The following JAZF1 variants were observed in gnomAD, a reference collection of about 807,000 sequenced individuals.
JAZF1 encodes juxtaposed with another zinc finger protein 1.
A neutral mutation model predicts 26.4 loss-of-function variants in JAZF1; 8 were observed. The ratio of observed to expected loss-of-function variants is 0.30; its 90% CI spans 0.18 to 0.55. The LOEUF (loss-of-function observed/expected upper bound fraction) is 0.55, where lower values mean the gene tolerates loss of function less well. JAZF1 is among the 20% of genes least tolerant of loss of function. The pLI, the probability that JAZF1 is intolerant of heterozygous loss-of-function variation, is 0.94. For missense variants in JAZF1, 199 were observed against 322.0 expected, an observed-to-expected ratio of 0.62 and a Z score of 2.92; for synonymous variants, 126 against 122.3, an observed-to-expected ratio of 1.03 and a Z score of -0.20.
chr7:27,931,807 T>G (rs1208916304), intron 2 of JAZF1, among the ~76,000 whole-genome samples: 1 of 151,688 alleles, frequency 6.6e-6, no homozygotes, highest in African/African-American at 2.4e-5. Context: ...CCTGGGAGAA[T>G]TGCTTGAACC....
chr7:27,832,910 A>G lies in JAZF1; in HGVS notation c.622T>C (p.Phe208Leu). 6.2e-7 allele frequency: 1 copy of G among 1,613,466 alleles called. No homozygotes were observed. The highest frequency in any genetic ancestry group is 8.5e-7 in the Non-Finnish European group (1 of 1,179,704). The change falls in exon 5 of 5, where the codon TTC becomes CTC. Residue 208 changes from phenylalanine (F) to leucine (L), a missense_variant. Phe to Leu is a conservative substitution (Grantham distance 22). Transcript: ENST00000283928. Reference protein sequence around the residue: ...HRTQIRVRKPFKCRCGKSYKT... With the variant: ...HRTQIRVRKPLKCRCGKSYKT... Reference sequence around the variant, plus strand: ...TAACTCTTCCCACAGCGACACTTGAATGGTTTGCGGACACGAATCTGTGTT... The same window carrying G: ...TAACTCTTCCCACAGCGACACTTGAGTGGTTTGCGGACACGAATCTGTGTT...
chr7:27,850,809 G>A (rs1266731122), intron 3 of JAZF1, among the ~76,000 whole-genome samples: 6 of 147,164 alleles, frequency 4.1e-5, no homozygotes, highest in Admixed American at 4.1e-4. Context: ...AGCTCTGAAG[G>A]ACCATTTTTT....
intron 2 of JAZF1, among the ~76,000 whole-genome samples, chr7:27,982,404 G>C (rs1199948434): frequency 1.3e-5 from 2 of 152,192 alleles, no homozygotes; most frequent in Non-Finnish European, 2.9e-5. Flanking sequence ...GGCTGGGGGA[G>C]GGGCGTCCGC....
At position 27,830,813 on chromosome 7, in the gene JAZF1, A is replaced by G. The variant is rs926962412; in HGVS notation, c.*1987T>C. 8.3e-5 allele frequency: 17 copies of G among 206,002 alleles called. No individual in the cohort carries two copies. The East Asian group carries it at 1.3e-3, about 15-fold the overall frequency. 12.8% of individuals were successfully genotyped at this position (206,002 alleles called of 1,614,324 possible). A position where few individuals can be genotyped will look rare whatever the true frequency, so the allele number is the denominator to read the frequency against. The stretch of plus-strand genomic sequence containing the variant: ...AGTATAACAAAATATTCCCATCCTT[A>G]CCTGTTTAGTAATACTGTCACAATG... On this transcript the variant is annotated 3_prime_UTR_variant, in exon 5 of 5. Transcript: ENST00000283928.
At chr7:28,168,355 T>TGGGTG (rs1783400867) in intron 1 of JAZF1, among the ~76,000 whole-genome samples, 1 of 127,428 alleles carries the variant, frequency 7.8e-6, no homozygotes, top group Non-Finnish European at 1.6e-5. Flanking sequence ...CACCCCAGCC[T>TGGGTG]GGGTGACAGA....
chr7:27,869,781 A>G (rs1004663550), intron 3 of JAZF1, among the ~76,000 whole-genome samples: 1 of 152,194 alleles, frequency 6.6e-6, no homozygotes, highest in East Asian at 1.9e-4. Context: ...CTTCCCTTCT[A>G]GGGTTAGGAA....
Position 27,832,110 on chromosome 7 carries a change from A to T in JAZF1, c.*690T>A. 1 of 213,268 alleles carries T rather than the reference A, an allele frequency of 4.7e-6. No homozygotes were observed. The highest frequency in any genetic ancestry group is 9.5e-6 in the Non-Finnish European group (1 of 105,118). The allele number at this position is 213,268 out of a possible 1,614,324, so 13.2% of individuals were successfully genotyped here. A position where few individuals can be genotyped will look rare whatever the true frequency, so the allele number is the denominator to read the frequency against. On this transcript the variant is annotated 3_prime_UTR_variant, in exon 5 of 5. Coordinates refer to ENST00000283928, the MANE Select transcript of JAZF1 (RefSeq NM_175061.4). ...GAACGAACTGAATAGACTATTTTGTACAAAATGCCATTTATAACACTAAAA... is the reference window on the plus strand; with the variant it reads ...GAACGAACTGAATAGACTATTTTGTTCAAAATGCCATTTATAACACTAAAA...
intron 1 of JAZF1, among the ~76,000 whole-genome samples, chr7:28,033,222 A>G (rs927552944): frequency 1.2e-4 from 18 of 152,214 alleles, no homozygotes; most frequent in Non-Finnish European, 1.9e-4. Flanking sequence ...GGGATGGAAC[A>G]TCGATTATGC....
At chr7:28,119,129 C>T (rs965858888) in intron 1 of JAZF1, among the ~76,000 whole-genome samples, 1 of 152,088 alleles carries the variant, frequency 6.6e-6, no homozygotes, top group Non-Finnish European at 1.5e-5. Flanking sequence ...CCAGGCAGCC[C>T]CCGGTCTCCC....
intron 1 of JAZF1, among the ~76,000 whole-genome samples, chr7:28,113,444 A>T (rs543168835): frequency 3.5e-4 from 54 of 152,194 alleles, no homozygotes; most frequent in African/African-American, 1.3e-3. Flanking sequence ...CACTCACCAC[A>T]GTCTGCCCAC....
chr7:28,157,861 T>C (rs551860003), intron 1 of JAZF1, among the ~76,000 whole-genome samples: 1 of 152,164 alleles, frequency 6.6e-6, no homozygotes, highest in Admixed American at 6.5e-5. Context: ...GAACAAAAAA[T>C]TAAGGAATGG....
intron 1 of JAZF1, among the ~76,000 whole-genome samples, chr7:28,073,489 T>C (rs541065756): frequency 6.6e-6 from 1 of 152,336 alleles, no homozygotes; most frequent in Non-Finnish European, 1.5e-5. Flanking sequence ...CTTTGCATTT[T>C]GCTTTATTTT....
At chr7:27,919,786 T>G (rs1013157457) in intron 2 of JAZF1, among the ~76,000 whole-genome samples, 1 of 152,168 alleles carries the variant, frequency 6.6e-6, no homozygotes, top group Non-Finnish European at 1.5e-5. Context: ...TATTAAATAA[T>G]TAATACGTAA....
chr7:28,116,887 G>A (rs10263294), intron 1 of JAZF1, among the ~76,000 whole-genome samples: 6,417 of 151,806 alleles, frequency 0.042, 390 homozygotes, highest in African/African-American at 0.14. Flanking sequence ...GCAGTGGCGC[G>A]ATCTCAGCTC....
chr7:28,064,086 A>C (rs1783841359), intron 1 of JAZF1, among the ~76,000 whole-genome samples: 1 of 152,160 alleles, frequency 6.6e-6, no homozygotes, highest in African/African-American at 2.4e-5. Context: ...AGAGTTAAAA[A>C]AAATTGGACA....
intron 1 of JAZF1, among the ~76,000 whole-genome samples, chr7:28,024,308 AAG>A (rs138276120): frequency 4.6e-5 from 7 of 151,544 alleles, no homozygotes; most frequent in Admixed American, 3.3e-4. Flanking sequence ...AAGAAAAACA[AAG>A]AGAGAGAGAG....
At chr7:27,859,560 TC>T (rs1783338301) in intron 3 of JAZF1, among the ~76,000 whole-genome samples, 1 of 152,218 alleles carries the variant, frequency 6.6e-6, no homozygotes, top group African/African-American at 2.4e-5. Context: ...TGAGGTCATG[TC>T]CTTTGCAGGG....
intron 2 of JAZF1, among the ~76,000 whole-genome samples, chr7:27,950,676 A>C (rs894368244): frequency 3.3e-5 from 5 of 152,202 alleles, no homozygotes; most frequent in African/African-American, 1.2e-4. Flanking sequence ...GGTTAACAAA[A>C]CTTCAATTCT....
chr7:27,992,021 C>T (rs1337376545), intron 1 of JAZF1, 40 bp from the exon 2 acceptor site: 1 of 1,253,930 alleles, frequency 8.0e-7, no homozygotes, highest in African/African-American at 1.5e-5. Context: ...TTAGATTTTG[C>T]ATCAGAATAT....
Sources: gnomAD v4.1 joint callset for allele counts (sites outside exome capture counted in the v4.1 genomes callset) on GRCh38, gnomAD v4.1.1 for gene constraint, MANE v1.5 for transcripts, NCBI Gene and HGNC (gene_info 2026-07-23, HGNC 2026-07-21) for gene names.